The following LRP1B variants were observed in gnomAD, a reference collection of about 807,000 sequenced individuals.
LRP1B encodes the protein LDL receptor related protein 1B, also known as low-density lipoprotein receptor-related protein 1B.
In LRP1B, 217 loss-of-function variants were observed where a neutral mutation model predicts 556.6. The observed-to-expected ratio is 0.39, with a 90% confidence interval of 0.35 to 0.44. LRP1B has a LOEUF of 0.44. LRP1B is among the 20% of genes least tolerant of loss of function. LRP1B has a pLI of 1.00. For missense variants in LRP1B, 5,053 were observed against 5,620.8 expected, an observed-to-expected ratio of 0.90 and a Z score of 3.23; for synonymous variants, 2,047 against 1,865.8, an observed-to-expected ratio of 1.10 and a Z score of -2.50.
chr2:140,291,298 T>TTATATATATATACATATATATATATATA (rs1683363110), intron 84 of LRP1B, among the ~76,000 whole-genome samples: 1 of 72,000 alleles, frequency 1.4e-5, no homozygotes, highest in Non-Finnish European at 3.6e-5. Context: ...AAATTTTATT[T>TTATATATATATACATATATATATATATA]TATATATATA....
intron 3 of LRP1B, among the ~76,000 whole-genome samples, chr2:141,276,412 T>A (rs1685287136): frequency 6.6e-6 from 1 of 152,018 alleles, no homozygotes; most frequent in Non-Finnish European, 1.5e-5. Flanking sequence ...AAGCACAGTA[T>A]CTAACAGGTA....
At chr2:141,646,855 C>T in intron 2 of LRP1B, among the ~76,000 whole-genome samples, 1 of 152,126 alleles carries the variant, frequency 6.6e-6, no homozygotes, top group East Asian at 1.9e-4. Context: ...TAGGTATACA[C>T]TAGTGAATGA....
chr2:141,200,771 T>C (rs1681974321), intron 6 of LRP1B, among the ~76,000 whole-genome samples: 3 of 152,120 alleles, frequency 2.0e-5, no homozygotes, highest in South Asian at 4.1e-4. Context: ...ATAAGCCCCA[T>C]ATGAGCAAAG....
chr2:142,044,231 G>T (rs1262355607), intron 1 of LRP1B, among the ~76,000 whole-genome samples: 1 of 151,684 alleles, frequency 6.6e-6, no homozygotes, highest in East Asian at 1.9e-4. Context: ...AAAGGAAAAA[G>T]GAATTAGATT....
intron 1 of LRP1B, among the ~76,000 whole-genome samples, chr2:141,895,048 C>CAAAAA (rs369108197): frequency 1.9e-4 from 15 of 78,290 alleles, no homozygotes; most frequent in East Asian, 3.3e-4. Context: ...AACTCCATCT[C>CAAAAA]AAAAAAAAAA....
Position 140,885,932 on chromosome 2 carries a change from G to T in LRP1B, c.3964+206C>A, listed in dbSNP as rs549019366. On this transcript the variant is annotated intron_variant, in intron 24 of 90. Coordinates refer to ENST00000389484, the MANE Select transcript of LRP1B (RefSeq NM_018557.3). ...CATGGAAAAGTCCACAGTGGCAAAT[G>T]GTGTGAACAGCACGAGCGTCACCAC... Among the ~76,000 whole-genome samples, 37 of 151,426 alleles carry T rather than the reference G, an allele frequency of 2.4e-4. No homozygotes were observed. In the South Asian group the frequency reaches 7.5e-3, roughly 31 times the overall value.
chr2:140,868,930 C>G (rs549192108), intron 25 of LRP1B, among the ~76,000 whole-genome samples: 1 of 151,952 alleles, frequency 6.6e-6, no homozygotes, highest in African/African-American at 2.4e-5. Flanking sequence ...AATGGGTCCC[C>G]GGTAAAACTG....
intron 14 of LRP1B, among the ~76,000 whole-genome samples, chr2:141,006,417 T>C (rs566671511): frequency 2.6e-5 from 4 of 152,128 alleles, no homozygotes; most frequent in East Asian, 3.9e-4. Flanking sequence ...CTTTAACAAT[T>C]GTAAAGGTGT....
chr2:141,597,650 G>A (rs1054295966), intron 2 of LRP1B, among the ~76,000 whole-genome samples: 4 of 152,010 alleles, frequency 2.6e-5, no homozygotes, highest in African/African-American at 9.7e-5. Context: ...CTCAAATACA[G>A]TTTGCTTTAT....
intron 15 of LRP1B, among the ~76,000 whole-genome samples, chr2:140,998,537 T>C (rs563289924): frequency 2.8e-4 from 42 of 152,160 alleles, no homozygotes; most frequent in African/African-American, 9.4e-4. Flanking sequence ...CAAGTTACTA[T>C]GCTACAACTG....
At chr2:141,236,550 T>A (rs188441325) in intron 5 of LRP1B, among the ~76,000 whole-genome samples, 1 of 152,314 alleles carries the variant, frequency 6.6e-6, no homozygotes, top group African/African-American at 2.4e-5. Flanking sequence ...ATGGTAACTA[T>A]AGTTAATGAT....
chr2:141,769,139 A>T (rs970738780), intron 2 of LRP1B, among the ~76,000 whole-genome samples: 2 of 152,108 alleles, frequency 1.3e-5, no homozygotes, highest in East Asian at 3.9e-4. Context: ...TAGTGTCCAC[A>T]TTTTATCCAT....
chr2:140,886,375 A>T (rs745365470), intron 23 of LRP1B, 40 bp from the exon 24 acceptor site: 6 of 1,070,602 alleles, frequency 5.6e-6, no homozygotes, highest in Non-Finnish European at 8.2e-6. Flanking sequence ...ATGAAAATGT[A>T]AACTCTGGTA....
At chr2:140,472,302 A>T (rs1558905721) in intron 60 of LRP1B, among the ~76,000 whole-genome samples, 1 of 152,146 alleles carries the variant, frequency 6.6e-6, no homozygotes, top group Non-Finnish European at 1.5e-5. Flanking sequence ...ACTAATGAAG[A>T]TGTAATTTAA....
chr2:141,928,899 T>C (rs1318044751), intron 1 of LRP1B, among the ~76,000 whole-genome samples: 2 of 152,054 alleles, frequency 1.3e-5, no homozygotes, highest in African/African-American at 4.8e-5. Flanking sequence ...CTATAGACCT[T>C]TATTAGCTTG....
chr2:140,295,858 A>G (rs1267654310), intron 84 of LRP1B, among the ~76,000 whole-genome samples: 1 of 152,154 alleles, frequency 6.6e-6, no homozygotes, highest in Non-Finnish European at 1.5e-5. Context: ...GAGAATAGAT[A>G]CTTTGGGGCA....
At chr2:142,050,699 T>C (rs138624398) in intron 1 of LRP1B, among the ~76,000 whole-genome samples, 23 of 152,288 alleles carry the variant, frequency 1.5e-4, no homozygotes, top group African/African-American at 4.8e-4. Context: ...GAGTAGCTTA[T>C]ATGAAGTAAA....
intron 32 of LRP1B, among the ~76,000 whole-genome samples, chr2:140,803,235 G>C (rs1347447168): frequency 6.9e-6 from 1 of 145,162 alleles, no homozygotes; most frequent in Non-Finnish European, 1.5e-5. Context: ...CTGAATAAAA[G>C]TGGTCAGTAT....
At chr2:140,710,792 T>A (rs1361615137) in intron 37 of LRP1B, among the ~76,000 whole-genome samples, 1 of 151,896 alleles carries the variant, frequency 6.6e-6, no homozygotes, top group Non-Finnish European at 1.5e-5. Context: ...ATAATAATCA[T>A]CTCTGGATGT....
Sources: gnomAD v4.1 joint callset for allele counts (sites outside exome capture counted in the v4.1 genomes callset) on GRCh38, gnomAD v4.1.1 for gene constraint, MANE v1.5 for transcripts, NCBI Gene and HGNC (gene_info 2026-07-23, HGNC 2026-07-21) for gene names.